NDUFAF2: variants seen among roughly 807,000 people sequenced by gnomAD.
The protein encoded by NDUFAF2 is NADH:ubiquinone oxidoreductase complex assembly factor 2, also known as NADH dehydrogenase [ubiquinone] 1 alpha subcomplex assembly factor 2.
NDUFAF2 carries 13 observed loss-of-function variants against 22.8 expected under a neutral mutation model. The ratio of observed to expected loss-of-function variants is 0.57; its 90% CI spans 0.37 to 0.91. The LOEUF is 0.91. Ranked by LOEUF, NDUFAF2 falls within the 40% of genes least tolerant of loss-of-function variation. NDUFAF2 has a pLI of 0.01. For missense variants in NDUFAF2, 162 were observed against 195.2 expected (o/e 0.83, Z 1.01); for synonymous variants, 53 against 64.2 (o/e 0.83, Z 0.84).
intron 1 of NDUFAF2, among the ~76,000 whole-genome samples, chr5:60,954,995 G>A (rs2112564467): frequency 6.6e-6 from 1 of 152,242 alleles, no homozygotes; most frequent in Non-Finnish European, 1.5e-5. Flanking sequence ...TCATTTATGA[G>A]ATATGGTTTG....
chr5:61,096,526 G>A (rs1030212301), intron 2 of NDUFAF2, among the ~76,000 whole-genome samples: 10 of 151,038 alleles, frequency 6.6e-5, no homozygotes, highest in African/African-American at 2.2e-4. Flanking sequence ...TTGAACCAGG[G>A]AGTCGGAGGT....
intron 1 of NDUFAF2, among the ~76,000 whole-genome samples, chr5:61,007,316 G>A (rs1751380536): frequency 6.6e-6 from 1 of 151,968 alleles, no homozygotes; most frequent in South Asian, 2.1e-4. Context: ...AAGGGATCCA[G>A]TTTCAGCTTT....
At chr5:60,997,834 A>C (rs1344190532) in intron 1 of NDUFAF2, among the ~76,000 whole-genome samples, 1 of 152,084 alleles carries the variant, frequency 6.6e-6, no homozygotes, top group Non-Finnish European at 1.5e-5. Flanking sequence ...CAAAAATTCT[A>C]AGTGTGTAAA....
At chr5:61,095,535 A>G (rs1038940543) in intron 2 of NDUFAF2, among the ~76,000 whole-genome samples, 4 of 152,024 alleles carry the variant, frequency 2.6e-5, no homozygotes, top group Admixed American at 6.6e-5. Flanking sequence ...GGGTATGTAC[A>G]GAGGTCCAAC....
At chr5:61,021,556 T>G (rs1377906475) in intron 1 of NDUFAF2, among the ~76,000 whole-genome samples, 1 of 152,190 alleles carries the variant, frequency 6.6e-6, no homozygotes, top group Non-Finnish European at 1.5e-5. Context: ...TTCCAGGAAT[T>G]AGTACATAGA....
chr5:61,019,970 G>T (rs1249084834), intron 1 of NDUFAF2, among the ~76,000 whole-genome samples: 3 of 152,030 alleles, frequency 2.0e-5, no homozygotes, highest in Non-Finnish European at 2.9e-5. Context: ...AAAGATTTTT[G>T]ACTACAAATT....
chr5:61,022,916 A>T (rs146229228), intron 1 of NDUFAF2, among the ~76,000 whole-genome samples: 6 of 152,322 alleles, frequency 3.9e-5, no homozygotes, highest in African/African-American at 1.2e-4. Flanking sequence ...AAGTGCTAGG[A>T]TTACCGGCGT....
At chr5:60,963,022 A>G (rs1750712148) in intron 1 of NDUFAF2, among the ~76,000 whole-genome samples, 1 of 151,720 alleles carries the variant, frequency 6.6e-6, no homozygotes, top group African/African-American at 2.4e-5. Flanking sequence ...AGTAGTTGGA[A>G]CTACAGGCAC....
At chr5:61,114,691 G>A (rs1367169705) in intron 3 of NDUFAF2, 1 of 152,136 alleles carries the variant, frequency 6.6e-6, no homozygotes, top group African/African-American at 2.4e-5. Flanking sequence ...GGCTTTCCAA[G>A]TATTTGAAAG....
intron 3 of NDUFAF2, among the ~76,000 whole-genome samples, chr5:61,152,095 C>G (rs1217671096): frequency 6.6e-6 from 1 of 152,124 alleles, no homozygotes; most frequent in Non-Finnish European, 1.5e-5. Context: ...TCTGTTTGCA[C>G]AGATTTGAGA....
chr5:61,028,946 A>C (rs569730402), intron 1 of NDUFAF2, among the ~76,000 whole-genome samples: 9 of 150,960 alleles, frequency 6.0e-5, no homozygotes, highest in Non-Finnish European at 1.3e-4. Flanking sequence ...TTATGTGTAC[A>C]CTAGGCTTAC....
chr5:61,104,293 T>C (rs1005313851), intron 3 of NDUFAF2, among the ~76,000 whole-genome samples: 2 of 152,118 alleles, frequency 1.3e-5, no homozygotes, highest in Non-Finnish European at 2.9e-5. Flanking sequence ...AAATATTGCT[T>C]CTTTTTTTTA....
intron 1 of NDUFAF2, among the ~76,000 whole-genome samples, chr5:61,048,876 T>A (rs1323958814): frequency 6.6e-6 from 1 of 152,056 alleles, no homozygotes; most frequent in African/African-American, 2.4e-5. Flanking sequence ...AGATGGGTGA[T>A]TGGAGAGGGG....
rs930138621 is a variant in NDUFAF2, at chr5:60,962,290, A to G, written c.127+16908A>G. On this transcript the variant is annotated intron_variant, in intron 1 of 3. Coordinates refer to ENST00000296597, the MANE Select transcript of NDUFAF2 (RefSeq NM_174889.5). ...TGTCTCCATGGAATTAACAAAAGTG[A>G]CTTTTTTTGCAAAAGTTGAAAGCAT... 3.3e-5 allele frequency among the ~76,000 whole-genome samples: 5 copies of G among 151,932 alleles called. 1 individual carries two copies. Among genetic ancestry groups the G allele is most frequent in the African/African-American group, 1.2e-4 (5 of 41,284 alleles).
intron 1 of NDUFAF2, among the ~76,000 whole-genome samples, chr5:61,021,598 A>G (rs1399217456): frequency 6.6e-6 from 1 of 152,174 alleles, no homozygotes; most frequent in Non-Finnish European, 1.5e-5. Context: ...CTGTCTATTC[A>G]CATTATTTAT....
intron 1 of NDUFAF2, among the ~76,000 whole-genome samples, chr5:61,056,970 A>G (rs1024092535): frequency 1.3e-4 from 18 of 135,750 alleles, no homozygotes; most frequent in Admixed American, 9.9e-4. Flanking sequence ...GGTGCTATAT[A>G]AAAACTTTTG....
In NDUFAF2 at chr5:61,024,998, G is replaced by A. The variant is rs139449664; in HGVS notation, c.128-48127G>A. Among the ~76,000 whole-genome samples the A allele has an allele frequency of 1.2e-4, 18 of 151,858 alleles. No homozygotes were observed. The East Asian group carries it at 2.7e-3, about 23-fold the overall frequency. On this transcript the variant is annotated intron_variant, in intron 1 of 3. Coordinates refer to ENST00000296597, the MANE Select transcript of NDUFAF2 (RefSeq NM_174889.5). The stretch of plus-strand genomic sequence containing the variant: ...CTTCTCTCCTGGCTAACTCCTATAC[G>A]TCCTTAGAAACTACAGCTCTTTTTG...
intron 3 of NDUFAF2, among the ~76,000 whole-genome samples, chr5:61,106,315 C>T (rs1191789081): frequency 6.6e-6 from 1 of 151,330 alleles, no homozygotes; most frequent in Non-Finnish European, 1.5e-5. Context: ...AGAAGTTGTA[C>T]TAAGTAGGGC....
intron 3 of NDUFAF2, among the ~76,000 whole-genome samples, chr5:61,112,212 C>T (rs920483327): frequency 1.2e-4 from 16 of 138,992 alleles, no homozygotes; most frequent in African/African-American, 3.9e-4. Context: ...CTTCTTTATC[C>T]CCCCCCCTTT....
Sources: gnomAD v4.1 joint callset for allele counts (sites outside exome capture counted in the v4.1 genomes callset) on GRCh38, gnomAD v4.1.1 for gene constraint, MANE v1.5 for transcripts, NCBI Gene and HGNC (gene_info 2026-07-23, HGNC 2026-07-21) for gene names.